DENND2C: variants seen among roughly 807,000 people sequenced by gnomAD.
The protein encoded by DENND2C is DENN domain containing 2C.
DENND2C carries 72 observed loss-of-function variants against 112.4 expected under a neutral mutation model. The ratio of observed to expected loss-of-function variants is 0.64; its 90% CI spans 0.53 to 0.78. The LOEUF (loss-of-function observed/expected upper bound fraction) is 0.78. DENND2C is among the 30% of genes least tolerant of loss of function. The probability of loss-of-function intolerance (pLI) is 0.00; values close to 1 mark genes in which losing one functional copy is unlikely to be tolerated. For missense variants in DENND2C, 992 were observed against 1,113.8 expected (o/e 0.89, Z 1.56); for synonymous variants, 329 against 381.6 (o/e 0.86, Z 1.61).
At chr1:114,613,493 G>A (rs1178082735) in intron 8 of DENND2C, among the ~76,000 whole-genome samples, 1 of 152,154 alleles carries the variant, frequency 6.6e-6, no homozygotes, top group African/African-American at 2.4e-5. Flanking sequence ...TATTACATAT[G>A]TTTTATAACT....
chr1:114,620,684 T>TA (rs1355423070), intron 7 of DENND2C, among the ~76,000 whole-genome samples: 1 of 152,106 alleles, frequency 6.6e-6, no homozygotes, highest in South Asian at 2.1e-4. Context: ...AGACTCTTTT[T>TA]AAAAAAATAT....
At chr1:114,587,577 A>G in intron 19 of DENND2C, 104 bp from the exon 20 acceptor site, 2 of 1,440,002 alleles carry the variant, frequency 1.4e-6, no homozygotes, top group Non-Finnish European at 1.9e-6. Flanking sequence ...GGGCTAAAAC[A>G]ATATTACAAA....
chr1:114,618,172 T>C (rs1570777128), intron 8 of DENND2C, among the ~76,000 whole-genome samples: 1 of 152,002 alleles, frequency 6.6e-6, no homozygotes, highest in African/African-American at 2.4e-5. Context: ...GTATTTTTAG[T>C]AGAGACAGGG....
chr1:114,615,998 C>A (rs1383165809), intron 8 of DENND2C, among the ~76,000 whole-genome samples: 2 of 152,042 alleles, frequency 1.3e-5, no homozygotes, highest in Non-Finnish European at 2.9e-5. Context: ...TGGCATGAAC[C>A]CGGGAGGCGG....
At chr1:114,600,466 CG>C in intron 14 of DENND2C, 114 bp from the exon 15 acceptor site, 1 of 1,393,698 alleles carries the variant, frequency 7.2e-7, no homozygotes, top group Non-Finnish European at 9.8e-7. Flanking sequence ...GTCTGCTACA[CG>C]GGGTCTGTGA....
At chr1:114,610,656 C>T (rs895202420) in intron 9 of DENND2C, among the ~76,000 whole-genome samples, 7 of 150,656 alleles carry the variant, frequency 4.6e-5, no homozygotes, top group East Asian at 2.0e-4. Flanking sequence ...GCCGAGCTTG[C>T]GCCACTGCAC....
rs568826767 is a variant in DENND2C, at chr1:114,626,143, T to C, written c.-159A>G. 5 of 699,706 alleles carry C rather than the reference T, an allele frequency of 7.1e-6. No individual in the cohort carries two copies. The highest frequency in any genetic ancestry group is 1.1e-5 in the Non-Finnish European group (5 of 445,092). 43.3% of individuals were successfully genotyped at this position (699,706 alleles called of 1,614,324 possible). A position where few individuals can be genotyped will look rare whatever the true frequency, so the allele number is the denominator to read the frequency against. ...TCTCTTTGTAAAAAGAAAATTTTGA[T>C]CAGTGATCCTTGTTGAAAATGGCTA... On this transcript the variant is annotated 5_prime_UTR_variant, in exon 4 of 21. Coordinates refer to ENST00000393274, the MANE Select transcript of DENND2C (RefSeq NM_001256404.2).
chr1:114,623,457 T>A, intron 5 of DENND2C, 50 bp downstream of exon 5: 3 of 1,561,450 alleles, frequency 1.9e-6, no homozygotes, highest in Non-Finnish European at 2.6e-6. Flanking sequence ...ATTAAGGGCT[T>A]CACCAAATAT....
chr1:114,634,072 A>C (rs751386951), intron 3 of DENND2C, among the ~76,000 whole-genome samples: 17 of 152,240 alleles, frequency 1.1e-4, no homozygotes, highest in Non-Finnish European at 2.4e-4. Flanking sequence ...ATTCATCAAG[A>C]ATACCTAGCA....
chr1:114,619,835 T>C (rs1190583244), intron 7 of DENND2C, among the ~76,000 whole-genome samples: 2 of 152,230 alleles, frequency 1.3e-5, no homozygotes, highest in Non-Finnish European at 2.9e-5. Flanking sequence ...AGATAACTGT[T>C]CTAAAACTAT....
At chr1:114,595,989 CA>C (rs1309533917) in intron 16 of DENND2C, 116 bp from the exon 17 acceptor site, 2 of 845,406 alleles carry the variant, frequency 2.4e-6, no homozygotes, top group Admixed American at 4.2e-5. Context: ...AAAAGTTAGC[CA>C]ATCAACACAA....
chr1:114,630,886 T>C (rs1190135858), intron 3 of DENND2C, among the ~76,000 whole-genome samples: 1 of 152,184 alleles, frequency 6.6e-6, no homozygotes, highest in Non-Finnish European at 1.5e-5. Context: ...AGCAACCTCA[T>C]TGAATGCCCA....
In DENND2C at chr1:114,600,933, C is replaced by T. The variant is rs1655485236; in HGVS notation, c.1843G>A (p.Glu615Lys). 1 of 1,613,486 alleles carries T rather than the reference C, an allele frequency of 6.2e-7. No homozygotes were observed. The highest frequency in any genetic ancestry group is 1.3e-5 in the African/African-American group (1 of 74,902). ...KILDEVEKRREMSPALVYPFM... is the reference protein window; with the variant it reads ...KILDEVEKRRKMSPALVYPFM... The stretch of plus-strand genomic sequence containing the variant: ...GGGTAAACAAGGGCTGGAGACATTT[C>T]TCTTCTCTTCTCTACTTCATCCAGA... The change falls in exon 14 of 21, where the codon GAA becomes AAA. Residue 615 changes from glutamate to lysine, a missense_variant. Glu to Lys is a moderately conservative substitution (Grantham distance 56, BLOSUM62 1). This residue lies in a region of DENND2C where 516 missense variants were observed against 623.6 expected (regional missense o/e 0.83). Transcript: ENST00000393274.
At chr1:114,658,320 A>G (rs922335607) in intron 1 of DENND2C, among the ~76,000 whole-genome samples, 83 of 152,318 alleles carry the variant, frequency 5.4e-4, no homozygotes, top group African/African-American at 1.9e-3. Flanking sequence ...AGAGTGGGAG[A>G]AAGACTGGTG....
At position 114,602,122 on chromosome 1, in the gene DENND2C, T is replaced by C. The variant is rs758005800; in HGVS notation, c.1737+3A>G. 6.2e-7 allele frequency: 1 copy of C among 1,613,782 alleles called. No individual in the cohort carries two copies. The highest frequency in any genetic ancestry group is 1.1e-5 in the South Asian group (1 of 91,020). On this transcript the variant is annotated splice_donor_region_variant and intron_variant, in intron 12 of 20. Transcript: ENST00000393274. ...CTGTCTGTAACACAAATCTGATACT[T>C]ACCAAGAGCTTCTTACAGTAACCAA...
At position 114,647,493 on chromosome 1, in the gene DENND2C, T is replaced by C. The variant is rs141633815; in HGVS notation, c.-316-1934A>G. On this transcript the variant is annotated intron_variant, in intron 2 of 20. Transcript: ENST00000393274. ...CTGGTGACAATAGTCTCTAATATTC[T>C]CCTGGTTTCTCAAGCCATTTAGTTG... 6.9e-4 allele frequency among the ~76,000 whole-genome samples: 105 copies of C among 152,288 alleles called. 1 individual carries two copies. The highest frequency in any genetic ancestry group is 2.5e-3 in the African/African-American group (102 of 41,562).
At chr1:114,639,355 T>C (rs1291931027) in intron 3 of DENND2C, among the ~76,000 whole-genome samples, 4 of 151,924 alleles carry the variant, frequency 2.6e-5, no homozygotes, top group Non-Finnish European at 5.9e-5. Context: ...CTGAGGCCGG[T>C]AGATCACGAG....
At chr1:114,635,777 A>C (rs1262281137) in intron 3 of DENND2C, among the ~76,000 whole-genome samples, 4 of 152,048 alleles carry the variant, frequency 2.6e-5, no homozygotes, top group Non-Finnish European at 5.9e-5. Flanking sequence ...GAGGCTGAGG[A>C]GGGCAGATCA....
At position 114,587,807 on chromosome 1, in the gene DENND2C, T is replaced by G. The variant is rs1394644504; in HGVS notation, c.2577A>C (p.Arg859=). The part of the protein sequence containing the change: ...REPFRKSHTS[R]SVRHFLDLFM... ...AGAGATCCAGGAAGTGGCGTACACT[T>G]CGGGAGGTGTGGGACTTACGGAATG... The change falls in exon 19 of 21, where the codon CGA becomes CGC. Residue 859 remains arginine, a synonymous_variant. Transcript: ENST00000393274. The G allele has an allele frequency of 6.2e-7, 1 of 1,614,122 alleles. No homozygotes were observed. The highest frequency in any genetic ancestry group is 1.1e-5 in the South Asian group (1 of 91,078).
Sources: gnomAD v4.1 joint callset for allele counts (sites outside exome capture counted in the v4.1 genomes callset) on GRCh38, gnomAD v4.1.1 for gene constraint, gnomAD v4.1.1 regional missense constraint, MANE v1.5 for transcripts, NCBI Gene and HGNC (gene_info 2026-07-23, HGNC 2026-07-21) for gene names.